SHC3: variants seen among roughly 807,000 people sequenced by gnomAD.
SHC3 encodes the protein SHC-transforming protein 3.
Under a neutral mutation model 60.4 loss-of-function variants are expected in SHC3, and 15 were observed. The ratio of observed to expected loss-of-function variants is 0.25; its 90% CI spans 0.17 to 0.38. The LOEUF (loss-of-function observed/expected upper bound fraction) is 0.38. Among genes scored for constraint, SHC3 ranks in the 10% least tolerant of loss-of-function variants. SHC3 has a pLI of 1.00. For synonymous variants in SHC3, 294 were observed against 325.9 expected (o/e 0.90, Z 1.05); for missense variants, 677 against 786.1 (o/e 0.86, Z 1.66).
At chr9:89,102,584 T>C (rs1825798587) in intron 2 of SHC3, among the ~76,000 whole-genome samples, 1 of 152,258 alleles carries the variant, frequency 6.6e-6, no homozygotes, top group Non-Finnish European at 1.5e-5. Context: ...TTGTGTCATA[T>C]TTTAATTGGC....
chr9:89,144,368 T>C (rs1036638257), intron 1 of SHC3, among the ~76,000 whole-genome samples: 9 of 152,224 alleles, frequency 5.9e-5, no homozygotes, highest in African/African-American at 2.2e-4. Flanking sequence ...AACTGGAGTA[T>C]GCACTGGCAC....
chr9:89,124,129 AC>A (rs1428470230), intron 1 of SHC3, among the ~76,000 whole-genome samples: 4 of 152,122 alleles, frequency 2.6e-5, no homozygotes, highest in African/African-American at 9.7e-5. Context: ...GCAAATCAAA[AC>A]CACAATGAGA....
At chr9:89,109,330 G>A (rs1825912458) in intron 2 of SHC3, 1 of 870,150 alleles carries the variant, frequency 1.1e-6, no homozygotes, top group East Asian at 1.2e-4. Flanking sequence ...ATGCAGTCTG[G>A]TTGGCCCCTC....
intron 11 of SHC3, among the ~76,000 whole-genome samples, chr9:89,016,977 CT>C (rs1302082647): frequency 3.3e-5 from 5 of 152,182 alleles, no homozygotes; most frequent in Non-Finnish European, 5.9e-5. Context: ...GAGATTTTTT[CT>C]TTTAAAAAAA....
intron 4 of SHC3, among the ~76,000 whole-genome samples, chr9:89,074,691 C>CAAAAAAAAAAAAAA (rs68051828): frequency 1.7e-5 from 1 of 59,926 alleles, no homozygotes; most frequent in Non-Finnish European, 2.9e-5. Context: ...GCCACTAAAG[C>CAAAAAAAAAAAAAA]AAAAAAAAAA....
At chr9:89,030,595 G>A (rs894951056) in intron 11 of SHC3, among the ~76,000 whole-genome samples, 8 of 152,076 alleles carry the variant, frequency 5.3e-5, no homozygotes, top group African/African-American at 1.9e-4. Context: ...ACTAATAAAG[G>A]GTCACTCCAT....
At chr9:89,139,222 C>A (rs1336960933) in intron 1 of SHC3, among the ~76,000 whole-genome samples, 1 of 152,106 alleles carries the variant, frequency 6.6e-6, no homozygotes, top group East Asian at 1.9e-4. Context: ...CTGGTTGGTT[C>A]ACAGGAATGA....
In SHC3 at chr9:89,009,071, CA is replaced by C. The variant is rs1429965486; in HGVS notation, c.*4375del. 1 of 152,242 alleles carries C rather than the reference CA, an allele frequency of 6.6e-6. No individual in the cohort carries two copies. Among genetic ancestry groups the C allele is most frequent in the Non-Finnish European group, 1.5e-5 (1 of 68,070 alleles). 9.4% of individuals were successfully genotyped at this position (152,242 alleles called of 1,614,324 possible). A position where few individuals can be genotyped will look rare whatever the true frequency, so the allele number is the denominator to read the frequency against. On this transcript the variant is annotated 3_prime_UTR_variant, in exon 12 of 12. Transcript: ENST00000375835. Reference sequence around the variant, plus strand: ...AGCACTGCTTGCCATTTCCGTGGGGCAGGGGGCTAGCTTTACGTGCAGGCCC... The same window carrying C: ...AGCACTGCTTGCCATTTCCGTGGGGCGGGGGCTAGCTTTACGTGCAGGCCC...
At chr9:89,167,766 T>C (rs867075356) in intron 1 of SHC3, among the ~76,000 whole-genome samples, 6 of 152,250 alleles carry the variant, frequency 3.9e-5, no homozygotes, top group South Asian at 2.1e-4. Context: ...AAATTATTAT[T>C]ATGCTATTAT....
At chr9:89,130,551 T>C (rs1017658552) in intron 1 of SHC3, among the ~76,000 whole-genome samples, 1 of 152,066 alleles carries the variant, frequency 6.6e-6, no homozygotes, top group African/African-American at 2.4e-5. Context: ...AGAACAGAAA[T>C]TATAACAAAC....
At position 89,047,004 on chromosome 9, in the gene SHC3, G is replaced by A. The variant is rs938176174; in HGVS notation, c.963-10C>T. 27 of 1,549,678 alleles carry A rather than the reference G, an allele frequency of 1.7e-5. 1 individual carries two copies. In the South Asian group the frequency reaches 3.4e-4, roughly 20 times the overall value. On this transcript the variant is annotated splice_polypyrimidine_tract_variant and intron_variant, in intron 7 of 11. Coordinates refer to ENST00000375835, the MANE Select transcript of SHC3 (RefSeq NM_016848.6). ...ATCCAGACTCTGCATTCTGTTAAAG[G>A]AAGATTTCCAAGGGCTTTAGCCAAA...
intron 5 of SHC3, among the ~76,000 whole-genome samples, chr9:89,067,517 C>T (rs961578754): frequency 1.3e-5 from 2 of 152,160 alleles, no homozygotes; most frequent in African/African-American, 4.8e-5. Context: ...ATTATGATTG[C>T]TAGGTTTTCA....
At chr9:89,136,144 A>G (rs551969137) in intron 1 of SHC3, among the ~76,000 whole-genome samples, 1 of 152,282 alleles carries the variant, frequency 6.6e-6, no homozygotes, top group South Asian at 2.1e-4. Context: ...ACCCCTATTC[A>G]GCCTGAAGAA....
chr9:89,021,406 C>G (rs1826198945), intron 11 of SHC3, among the ~76,000 whole-genome samples: 1 of 152,166 alleles, frequency 6.6e-6, no homozygotes, highest in African/African-American at 2.4e-5. Context: ...CACTCAATGT[C>G]CCCACAGCCA....
Position 89,012,447 on chromosome 9 carries a change from C to G in SHC3, c.*1000G>C, listed in dbSNP as rs1172575487. 6.6e-6 allele frequency: 1 copy of G among 152,184 alleles called. No individual in the cohort carries two copies. Among genetic ancestry groups the G allele is most frequent in the African/African-American group, 2.4e-5 (1 of 41,422 alleles). 9.4% of individuals were successfully genotyped at this position (152,184 alleles called of 1,614,324 possible). A position where few individuals can be genotyped will look rare whatever the true frequency, so the allele number is the denominator to read the frequency against. ...CATGCAGCCCCAGAAGCCTCAATACCTGAGTCTTCGGGACTGAGCTCTGGG... is the reference window on the plus strand; with the variant it reads ...CATGCAGCCCCAGAAGCCTCAATACGTGAGTCTTCGGGACTGAGCTCTGGG... On this transcript the variant is annotated 3_prime_UTR_variant, in exon 12 of 12. Transcript: ENST00000375835.
intron 2 of SHC3, among the ~76,000 whole-genome samples, chr9:89,093,051 T>C (rs887594651): frequency 6.6e-6 from 1 of 152,250 alleles, no homozygotes; most frequent in African/African-American, 2.4e-5. Flanking sequence ...AGAATGCTTC[T>C]ATGAACATGG....
intron 1 of SHC3, among the ~76,000 whole-genome samples, chr9:89,145,060 G>A (rs952161837): frequency 6.6e-6 from 1 of 152,056 alleles, no homozygotes; most frequent in Non-Finnish European, 1.5e-5. Flanking sequence ...GGATGATGTT[G>A]GCAGTCTGCA....
chr9:89,099,854 T>A (rs750121121), intron 2 of SHC3, among the ~76,000 whole-genome samples: 1 of 152,236 alleles, frequency 6.6e-6, no homozygotes, highest in Non-Finnish European at 1.5e-5. Context: ...GGGAGATCAT[T>A]CCAATTTTGT....
intron 2 of SHC3, among the ~76,000 whole-genome samples, chr9:89,095,943 G>A (rs1257819612): frequency 6.6e-6 from 1 of 152,072 alleles, no homozygotes; most frequent in Non-Finnish European, 1.5e-5. Flanking sequence ...CATGTTCCTC[G>A]TGGGACACCC....
Sources: gnomAD v4.1 joint callset for allele counts (sites outside exome capture counted in the v4.1 genomes callset) on GRCh38, gnomAD v4.1.1 for gene constraint, MANE v1.5 for transcripts, NCBI Gene and HGNC (gene_info 2026-07-23, HGNC 2026-07-21) for gene names.